Variants in MYO1E observed in about 807,000 individuals in gnomAD.
MYO1E encodes the protein myosin IE, also known as unconventional myosin-Ie.
A neutral mutation model predicts 151.1 loss-of-function variants in MYO1E; 68 were observed. The observed-to-expected ratio is 0.45, with a 90% CI of 0.37 to 0.55. The LOEUF is 0.55. Among genes scored for constraint, MYO1E ranks in the 20% least tolerant of loss-of-function variants. The pLI is 0.00. For missense variants in MYO1E, 1,363 were observed against 1,389.3 expected (o/e 0.98, Z 0.30); for synonymous variants, 601 against 501.7 (o/e 1.20, Z -2.64).
At chr15:59,250,453 C>T (rs890635257) in intron 4 of MYO1E, among the ~76,000 whole-genome samples, 1 of 152,112 alleles carries the variant, frequency 6.6e-6, no homozygotes, top group African/African-American at 2.4e-5. Flanking sequence ...GTCCATGACT[C>T]CACAGGGAGA....
chr15:59,323,476 C>T (rs2080641274), intron 1 of MYO1E, among the ~76,000 whole-genome samples: 1 of 151,624 alleles, frequency 6.6e-6, no homozygotes, highest in Admixed American at 6.6e-5. Flanking sequence ...CATGGTGAAA[C>T]CCCGTCTCTA....
chr15:59,138,803 T>C (rs192384663), intron 26 of MYO1E, among the ~76,000 whole-genome samples: 23 of 152,246 alleles, frequency 1.5e-4, no homozygotes, highest in African/African-American at 5.3e-4. Flanking sequence ...ACCTTACAGT[T>C]TGTATTAACC....
intron 5 of MYO1E, among the ~76,000 whole-genome samples, chr15:59,235,952 A>C (rs1187137837): frequency 6.6e-6 from 1 of 152,104 alleles, no homozygotes; most frequent in Non-Finnish European, 1.5e-5. Context: ...TTTTGTGAGT[A>C]ATTTATATTT....
At chr15:59,303,410 T>C (rs1475865547) in intron 1 of MYO1E, among the ~76,000 whole-genome samples, 2 of 152,038 alleles carry the variant, frequency 1.3e-5, no homozygotes, top group African/African-American at 2.4e-5. Context: ...TGAGACCCTT[T>C]CCTAGCTACT....
intron 9 of MYO1E, among the ~76,000 whole-genome samples, chr15:59,219,535 G>A (rs2079940904): frequency 6.6e-6 from 1 of 152,204 alleles, no homozygotes; most frequent in Non-Finnish European, 1.5e-5. Flanking sequence ...ACCTTCCAAT[G>A]AGATTAAGTC....
intron 26 of MYO1E, among the ~76,000 whole-genome samples, chr15:59,151,372 G>C (rs1400626229): frequency 6.6e-6 from 1 of 152,132 alleles, no homozygotes; most frequent in Non-Finnish European, 1.5e-5. Context: ...GGAGGTTGCA[G>C]TGAGCTGAGA....
chr15:59,311,416 T>C (rs947603271), intron 1 of MYO1E, among the ~76,000 whole-genome samples: 18 of 152,062 alleles, frequency 1.2e-4, no homozygotes, highest in African/African-American at 4.3e-4. Flanking sequence ...CAGACAGTAA[T>C]GCTCACTCAT....
chr15:59,169,355 GCAT>G (rs1398588078), intron 22 of MYO1E, among the ~76,000 whole-genome samples: 1 of 152,148 alleles, frequency 6.6e-6, no homozygotes, highest in Non-Finnish European at 1.5e-5. Context: ...GAACACACAC[GCAT>G]GTTCAGTAGT....
intron 9 of MYO1E, among the ~76,000 whole-genome samples, chr15:59,221,154 C>T (rs553519836): frequency 1.3e-5 from 2 of 150,968 alleles, no homozygotes; most frequent in South Asian, 2.1e-4. Flanking sequence ...ATTACAGGTG[C>T]GCACCACCAC....
At chr15:59,365,919 C>T (rs1256517937) in intron 1 of MYO1E, among the ~76,000 whole-genome samples, 2 of 152,168 alleles carry the variant, frequency 1.3e-5, no homozygotes, top group Non-Finnish European at 2.9e-5. Context: ...GGAATGATCA[C>T]ACTGGGCACT....
intron 4 of MYO1E, among the ~76,000 whole-genome samples, chr15:59,253,067 C>T (rs2140368656): frequency 6.6e-6 from 1 of 152,274 alleles, no homozygotes; most frequent in East Asian, 1.9e-4. Flanking sequence ...TGTTCAACAA[C>T]AGGATCATTT....
chr15:59,321,665 A>T (rs1482713716), intron 1 of MYO1E, among the ~76,000 whole-genome samples: 1 of 152,206 alleles, frequency 6.6e-6, no homozygotes, highest in Non-Finnish European at 1.5e-5. Context: ...GCACCAATAG[A>T]CATGGGGACT....
rs185847887 is a variant in MYO1E, at chr15:59,301,712, T to C, written c.4-29263A>G. The stretch of plus-strand genomic sequence containing the variant: ...AGAGAAGAGGCTTAGCACTGGAGCC[T>C]GCTGGAGCCTGAAGAGCGGACTCCA... On this transcript the variant is annotated intron_variant, in intron 1 of 27. Coordinates refer to ENST00000288235, the MANE Select transcript of MYO1E (RefSeq NM_004998.4). Among the ~76,000 whole-genome samples, 120 of 152,326 alleles carry C rather than the reference T, an allele frequency of 7.9e-4. 1 individual carries two copies. The highest frequency in any genetic ancestry group is 2.9e-3 in the African/African-American group (119 of 41,576).
chr15:59,215,197 A>C (rs2079905730), intron 10 of MYO1E, among the ~76,000 whole-genome samples: 1 of 152,100 alleles, frequency 6.6e-6, no homozygotes, highest in Admixed American at 6.6e-5. Flanking sequence ...GCTTATAGAG[A>C]GGGTGAGCTA....
At chr15:59,221,615 T>C (rs778064403) in intron 9 of MYO1E, among the ~76,000 whole-genome samples, 9 of 152,210 alleles carry the variant, frequency 5.9e-5, no homozygotes, top group Non-Finnish European at 1.2e-4. Flanking sequence ...TGGACCTCTC[T>C]GGCTTCCATC....
At chr15:59,250,348 C>T (rs1307763570) in intron 4 of MYO1E, among the ~76,000 whole-genome samples, 1 of 152,108 alleles carries the variant, frequency 6.6e-6, no homozygotes, top group African/African-American at 2.4e-5. Flanking sequence ...GCAGGCGGTG[C>T]GTGATCGAGG....
At chr15:59,158,487 A>G in intron 24 of MYO1E, 108 bp from the exon 25 acceptor site, 1 of 827,432 alleles carries the variant, frequency 1.2e-6, no homozygotes, top group East Asian at 2.7e-5. Flanking sequence ...TCCAGCTCTC[A>G]GGTGGATCTG....
chr15:59,359,323 TA>T (rs1213581067), intron 1 of MYO1E, among the ~76,000 whole-genome samples: 32 of 138,802 alleles, frequency 2.3e-4, no homozygotes, highest in South Asian at 6.6e-4. Context: ...AATATATATA[TA>T]TATTTTTTTT....
At chr15:59,372,460 C>A in intron 1 of MYO1E, 38 bp downstream of exon 1, 2 of 1,537,140 alleles carry the variant, frequency 1.3e-6, no homozygotes, top group Non-Finnish European at 1.7e-6. Flanking sequence ...GCCCCGTCCC[C>A]GGGTCCGGCG....
Sources: gnomAD v4.1 joint callset for allele counts (sites outside exome capture counted in the v4.1 genomes callset) on GRCh38, gnomAD v4.1.1 for gene constraint, MANE v1.5 for transcripts, NCBI Gene and HGNC (gene_info 2026-07-23, HGNC 2026-07-21) for gene names.